Variants in UNC13C observed in about 807,000 individuals in gnomAD.
UNC13C encodes the protein unc-13 homolog C.
Under a neutral mutation model 245.4 loss-of-function variants are expected in UNC13C, and 174 were observed. The ratio of observed to expected loss-of-function variants is 0.71; its 90% CI spans 0.63 to 0.80. The LOEUF (loss-of-function observed/expected upper bound fraction) is 0.80, where lower values mean the gene tolerates loss of function less well. UNC13C is among the 30% of genes least tolerant of loss of function. UNC13C has a pLI of 0.00. For synonymous variants in UNC13C, 992 were observed against 895.1 expected (o/e 1.11, Z -1.93); for missense variants, 2,829 against 2,602.9 (o/e 1.09, Z -1.89).
intron 2 of UNC13C, among the ~76,000 whole-genome samples, chr15:54,128,585 T>G (rs923720599): frequency 6.6e-6 from 1 of 152,220 alleles, no homozygotes; most frequent in Non-Finnish European, 1.5e-5. Flanking sequence ...TAGGGTGTTA[T>G]GTTTAAGACT....
intron 28 of UNC13C, among the ~76,000 whole-genome samples, chr15:54,552,394 A>G (rs1490942358): frequency 1.1e-5 from 1 of 91,954 alleles, no homozygotes; most frequent in African/African-American, 4.4e-5. Flanking sequence ...ATAATATAAT[A>G]TATAATTATA....
chr15:54,235,100 C>G lies in UNC13C; in HGVS notation c.3142C>G (p.Arg1048Gly), dbSNP rs757473922. 32 of 1,613,552 alleles carry G rather than the reference C, an allele frequency of 2.0e-5. No homozygotes were observed. The highest frequency in any genetic ancestry group is 2.6e-5 in the Non-Finnish European group (31 of 1,179,694). Residue 1048 changes from arginine (R) to glycine (G), a missense_variant, in exon 5 of 33, where the codon CGA (arginine) becomes GGA (glycine). Transcript: ENST00000260323. ...CAGAAAAAAAACTTTGCCTATTGTC[C>G]GAGATGTGGTAAGTTACAACTGTTT... The part of the protein sequence containing the change: ...LRRKKTLPIV[R>G]DVAMTLAARK...
At chr15:54,443,462 T>C (rs1272557540) in intron 19 of UNC13C, among the ~76,000 whole-genome samples, 1 of 152,072 alleles carries the variant, frequency 6.6e-6, no homozygotes, top group Non-Finnish European at 1.5e-5. Context: ...TGGTTTCTTC[T>C]TGCTTTTCTT....
At chr15:54,133,260 G>A (rs989806595) in intron 2 of UNC13C, among the ~76,000 whole-genome samples, 1 of 152,104 alleles carries the variant, frequency 6.6e-6, no homozygotes, top group African/African-American at 2.4e-5. Flanking sequence ...ATTACGTTCA[G>A]ATTTACTTCT....
At chr15:54,234,260 G>A (rs114974384) in intron 4 of UNC13C, among the ~76,000 whole-genome samples, 26,100 of 150,560 alleles carry the variant, frequency 0.17, 2,434 homozygotes, top group Middle Eastern at 0.19. Flanking sequence ...ATATATATAT[G>A]GGAGTGTACT....
chr15:54,164,132 G>A (rs1038738119), intron 4 of UNC13C, among the ~76,000 whole-genome samples: 36 of 152,068 alleles, frequency 2.4e-4, no homozygotes, highest in African/African-American at 7.5e-4. Context: ...TGTTGTATAC[G>A]TTAAATATGT....
chr15:54,150,765 C>T (rs890421096), intron 4 of UNC13C, among the ~76,000 whole-genome samples: 7 of 151,996 alleles, frequency 4.6e-5, no homozygotes, highest in Non-Finnish European at 1.0e-4. Context: ...GACCTCACAA[C>T]CCCAGACCCA....
At chr15:53,869,510 G>C in the UNC13C span, among the ~76,000 whole-genome samples, 4 of 152,144 alleles carry the variant, frequency 2.6e-5, no homozygotes, top group Non-Finnish European at 4.4e-5. Context: ...GTCTTCATTA[G>C]AATAACTCCT....
intron 19 of UNC13C, among the ~76,000 whole-genome samples, chr15:54,452,380 G>C (rs1247188893): frequency 6.6e-6 from 1 of 152,200 alleles, no homozygotes; most frequent in East Asian, 1.9e-4. Flanking sequence ...CAAGCCATCT[G>C]CACTGGTGTT....
chr15:54,138,978 T>TGTTTTTTTTTG (rs2031878862), intron 2 of UNC13C, among the ~76,000 whole-genome samples: 1 of 141,156 alleles, frequency 7.1e-6, no homozygotes, highest in African/African-American at 2.7e-5. Flanking sequence ...TTTTTTTTTT[T>TGTTTTTTTTTG]GAGACGGAGT....
intron 7 of UNC13C, among the ~76,000 whole-genome samples, chr15:54,245,432 G>A (rs1460193004): frequency 6.6e-6 from 1 of 152,066 alleles, no homozygotes; most frequent in East Asian, 1.9e-4. Context: ...AGCAATAGAA[G>A]TGAAAGAAAA....
At chr15:54,029,543 C>T (rs568268576) in intron 2 of UNC13C, among the ~76,000 whole-genome samples, 2 of 152,110 alleles carry the variant, frequency 1.3e-5, no homozygotes, top group African/African-American at 4.8e-5. Context: ...TGAATGACAT[C>T]GTGGTTATAA....
In UNC13C at chr15:54,013,909, A is replaced by T; in HGVS notation, c.1006A>T (p.Ser336Cys). 6.2e-7 allele frequency: 1 copy of T among 1,613,148 alleles called. No homozygotes were observed. Among genetic ancestry groups the T allele is most frequent in the Non-Finnish European group, 8.5e-7 (1 of 1,179,634 alleles). Reference protein sequence around the residue: ...VTEERFEYVESVVYQILIDKM... With the variant: ...VTEERFEYVECVVYQILIDKM... ...TGAAGAAAGATTTGAATATGTTGAA[A>T]GCGTGGTGTACCAAATTCTAATAGA... is the stretch of plus-strand genomic sequence containing the variant. The change falls in exon 2 of 33, where the codon AGC becomes TGC. Residue 336 changes from serine to cysteine, a missense_variant. Transcript: ENST00000260323.
chr15:54,599,242 T>A (rs1221313809), intron 30 of UNC13C, among the ~76,000 whole-genome samples: 1 of 152,106 alleles, frequency 6.6e-6, no homozygotes, highest in Non-Finnish European at 1.5e-5. Flanking sequence ...ATCACATTAG[T>A]AACTAGAATA....
At chr15:54,260,504 T>TTG (rs145660195) in intron 8 of UNC13C, among the ~76,000 whole-genome samples, 1 of 150,508 alleles carries the variant, frequency 6.6e-6, no homozygotes, top group African/African-American at 2.4e-5. Flanking sequence ...ACTGAAGTTA[T>TTG]TATATACATA....
chr15:53,938,099 A>C, the UNC13C span, among the ~76,000 whole-genome samples: 1 of 152,236 alleles, frequency 6.6e-6, no homozygotes, highest in Admixed American at 6.5e-5. Flanking sequence ...AAGCTGGATT[A>C]AGAGCCAAGA....
the UNC13C span, among the ~76,000 whole-genome samples, chr15:53,905,408 A>ACACG: frequency 6.6e-6 from 1 of 150,592 alleles, no homozygotes; most frequent in African/African-American, 2.5e-5. Flanking sequence ...ATACACACAC[A>ACACG]CACACACACA....
chr15:54,596,450 A>G (rs1474297883), intron 30 of UNC13C, among the ~76,000 whole-genome samples: 1 of 152,168 alleles, frequency 6.6e-6, no homozygotes, highest in African/African-American at 2.4e-5. Context: ...AAATGACTGT[A>G]AGTCCCAGGC....
At chr15:54,180,710 T>C (rs1370795483) in intron 4 of UNC13C, among the ~76,000 whole-genome samples, 2 of 152,022 alleles carry the variant, frequency 1.3e-5, no homozygotes, top group Non-Finnish European at 2.9e-5. Context: ...AAATGGTATC[T>C]CATTGTAGTT....
Sources: gnomAD v4.1 joint callset for allele counts (sites outside exome capture counted in the v4.1 genomes callset) on GRCh38, gnomAD v4.1.1 for gene constraint, MANE v1.5 for transcripts, NCBI Gene and HGNC (gene_info 2026-07-23, HGNC 2026-07-21) for gene names.